The following ZNF112 variants were observed in gnomAD, a reference collection of about 807,000 sequenced individuals.
ZNF112 encodes the protein zinc finger protein 112.
ZNF112 carries 37 observed loss-of-function variants against 77.7 expected under a neutral mutation model. The observed-to-expected ratio is 0.48, with a 90% CI of 0.37 to 0.63. The LOEUF (loss-of-function observed/expected upper bound fraction) is 0.63, where lower values mean the gene tolerates loss of function less well. Among genes scored for constraint, ZNF112 ranks in the 20% least tolerant of loss-of-function variants. The pLI is 0.00. For synonymous variants in ZNF112, 333 were observed against 363.6 expected, an observed-to-expected ratio of 0.92 and a Z score of 0.96; for missense variants, 950 against 1,077.4, an observed-to-expected ratio of 0.88 and a Z score of 1.66.
chr19:44,338,994 G>A (rs1230868359), intron 2 of ZNF112, among the ~76,000 whole-genome samples: 3 of 152,212 alleles, frequency 2.0e-5, no homozygotes, highest in Non-Finnish European at 2.9e-5. Context: ...CTGGGAGGCA[G>A]AGGATTCAGT....
At chr19:44,346,312 G>A (rs1055143642) in intron 1 of ZNF112, among the ~76,000 whole-genome samples, 2 of 152,152 alleles carry the variant, frequency 1.3e-5, no homozygotes, top group African/African-American at 4.8e-5. Flanking sequence ...TAAACGTTGG[G>A]TTGTTATGTT....
chr19:44,344,856 G>A (rs964109789), intron 1 of ZNF112, among the ~76,000 whole-genome samples: 48 of 152,254 alleles, frequency 3.2e-4, no homozygotes, highest in Middle Eastern at 3.4e-3. Flanking sequence ...CAAGAGAGAA[G>A]GCAGAAAATG....
chr19:44,345,212 G>A (rs1970566122), intron 1 of ZNF112, among the ~76,000 whole-genome samples: 1 of 152,166 alleles, frequency 6.6e-6, no homozygotes, highest in African/African-American at 2.4e-5. Flanking sequence ...AGAGAGGATT[G>A]CAAACCACAG....
rs532662702 is a variant in ZNF112, at chr19:44,366,008, A to T, written c.17+1073T>A. ...CATTACAAAATGAAGCTCCAAAGAA[A>T]CAGTCAGTTATGTATACACTGTAGT... On this transcript the variant is annotated intron_variant, in intron 1 of 4. Coordinates refer to the ZNF112 transcript ENST00000588057. Among the ~76,000 whole-genome samples the T allele has an allele frequency of 3.3e-5, 5 of 152,242 alleles. No individual in the cohort carries two copies. The South Asian group carries it at 1.0e-3, about 32-fold the overall frequency.
At chr19:44,338,218 T>C (rs1392747814) in intron 2 of ZNF112, among the ~76,000 whole-genome samples, 1 of 152,078 alleles carries the variant, frequency 6.6e-6, no homozygotes, top group African/African-American at 2.4e-5. Context: ...AACATTGAAA[T>C]GATGCTTGAG....
At chr19:44,339,306 G>A (rs1048689739) in intron 2 of ZNF112, among the ~76,000 whole-genome samples, 24 of 152,242 alleles carry the variant, frequency 1.6e-4, no homozygotes, top group African/African-American at 3.1e-4. Context: ...AGTGTCTTTC[G>A]TTTACCCAGA....
chr19:44,335,859 C>T (rs191699465), intron 3 of ZNF112, among the ~76,000 whole-genome samples: 15 of 152,304 alleles, frequency 9.8e-5, no homozygotes, highest in South Asian at 4.1e-4. Context: ...ACAGTTGCGA[C>T]GGTGGCTTTT....
At chr19:44,358,084 G>A (rs554474788), upstream of ZNF112, among the ~76,000 whole-genome samples, 40 of 150,552 alleles carry the variant, frequency 2.7e-4, no homozygotes, top group Non-Finnish European at 3.8e-4. Flanking sequence ...CCCGGGAGGC[G>A]GAGCTTGCAG....
In ZNF112 at chr19:44,331,033, G is replaced by T. The variant is rs1024930121; in HGVS notation, c.221-1097C>A. On this transcript the variant is annotated intron_variant, in intron 3 of 3. Transcript: ENST00000354340. The stretch of plus-strand genomic sequence containing the variant: ...TCACTAATGAGCTATTTATCCTCAT[G>T]AGAATAATAAGCTCTTCTTCAGATT... Among the ~76,000 whole-genome samples the T allele has an allele frequency of 2.0e-5, 3 of 152,206 alleles. No individual in the cohort carries two copies. In the East Asian group the frequency reaches 5.8e-4, roughly 29 times the overall value.
chr19:44,352,688 C>T (rs991847621), intron 1 of ZNF112, among the ~76,000 whole-genome samples: 2 of 151,956 alleles, frequency 1.3e-5, no homozygotes, highest in Non-Finnish European at 2.9e-5. Context: ...AGGTGTATTT[C>T]TATACACTAA....
At chr19:44,335,043 C>T (rs567190391) in intron 3 of ZNF112, among the ~76,000 whole-genome samples, 1 of 152,362 alleles carries the variant, frequency 6.6e-6, no homozygotes, top group East Asian at 1.9e-4. Flanking sequence ...GCACTCAACG[C>T]CAGCTCATGA....
chr19:44,343,219 C>T, intron 1 of ZNF112: 1 of 1,609,928 alleles, frequency 6.2e-7, no homozygotes, highest in East Asian at 2.2e-5. Flanking sequence ...AAAATGAGGT[C>T]ACATGTAAAA....
At chr19:44,331,313 GC>G (rs1346334247) in intron 3 of ZNF112, among the ~76,000 whole-genome samples, 1 of 152,172 alleles carries the variant, frequency 6.6e-6, no homozygotes, top group African/African-American at 2.4e-5. Flanking sequence ...ACTGACTTTT[GC>G]TTGTGCCATT....
In ZNF112 at chr19:44,328,093, T is replaced by C. The variant is rs1334261912; in HGVS notation, c.2064A>G (p.Gln688=). ...TGAAACTCTTACCACACTCATCACA[T>C]TGGTATGGCTTCTCTCCCGTGTGGA... ...QRVHTGEKPY[Q]CDECGKSFSQ... Residue 688 remains glutamine (Q), a synonymous_variant, in exon 4 of 4, where the codon CAA becomes CAG. Transcript: ENST00000354340. The C allele has an allele frequency of 6.8e-6, 11 of 1,614,052 alleles. 1 individual carries two copies. In the Middle Eastern group the frequency reaches 9.9e-4, roughly 145 times the overall value.
In ZNF112 at chr19:44,329,774, T is replaced by C. The variant is rs1294255740; in HGVS notation, c.383A>G (p.Gln128Arg). The change falls in exon 4 of 4, where the codon CAA (glutamine) becomes CGA (arginine). Residue 128 changes from glutamine (Q) to arginine (R), a missense_variant. Around this residue, in one of 3 missense-constraint regions of ZNF112, gnomAD observed 560 missense variants for 557.3 expected, o/e 1.00. Coordinates refer to ENST00000354340, the MANE Select transcript of ZNF112 (RefSeq NM_013380.4). ...KVFQGKNSQL[Q>R]EQGNSLGQVW... ...CTGGCCGAGGGAATTACCTTGTTCT[T>C]GCAACTGAGAATTCTTCCCTTGAAA... The C allele has an allele frequency of 6.2e-7, 1 of 1,614,070 alleles. No individual in the cohort carries two copies. Among genetic ancestry groups the C allele is most frequent in the Admixed American group, 1.7e-5 (1 of 59,998 alleles).
chr19:44,343,437 GGTTGGATTCTA>G, intron 1 of ZNF112: 1 of 681,186 alleles, frequency 1.5e-6, no homozygotes, highest in East Asian at 2.8e-5. Flanking sequence ...AGGTAGCATG[GGTTGGATTCTA>G]GCTACCACTT....
intron 1 of ZNF112, among the ~76,000 whole-genome samples, chr19:44,355,165 A>G (rs745929374): frequency 6.6e-6 from 1 of 152,202 alleles, no homozygotes; most frequent in Non-Finnish European, 1.5e-5. Context: ...GTCATATTAC[A>G]TTTGGCTATG....
At chr19:44,365,393 G>A (rs1051024283) in intron 1 of ZNF112, among the ~76,000 whole-genome samples, 7 of 152,028 alleles carry the variant, frequency 4.6e-5, no homozygotes, top group South Asian at 2.1e-4. Flanking sequence ...CTGGGAGTTC[G>A]AGGCTGCAGT....
chr19:44,347,506 T>TTTTTTTTTA (rs151128809), intron 1 of ZNF112, among the ~76,000 whole-genome samples: 3 of 100,100 alleles, frequency 3.0e-5, no homozygotes, highest in Non-Finnish European at 4.5e-5. Context: ...TTTTTTTTTT[T>TTTTTTTTTA]ACTATTCCAT....
Sources: gnomAD v4.1 joint callset for allele counts (sites outside exome capture counted in the v4.1 genomes callset) on GRCh38, gnomAD v4.1.1 for gene constraint, gnomAD v4.1.1 regional missense constraint, MANE v1.5 for transcripts, NCBI Gene and HGNC (gene_info 2026-07-23, HGNC 2026-07-21) for gene names.